Variants in APOL3 observed in about 807,000 individuals in gnomAD.
The protein encoded by APOL3 is TNF-inducible protein CG12-1.
Under a neutral mutation model 11.6 loss-of-function variants are expected in APOL3, and 14 were observed. That is an observed-to-expected ratio of 1.21 (90% CI 0.80 to 1.89). The LOEUF (loss-of-function observed/expected upper bound fraction) is 1.89, where lower values mean the gene tolerates loss of function less well. Ranked by LOEUF, APOL3 falls within the 40% of genes most tolerant of loss-of-function variation. The probability of loss-of-function intolerance (pLI) is 0.00; values close to 1 mark genes in which losing one functional copy is unlikely to be tolerated. For missense variants in APOL3, 483 were observed against 492.1 expected (o/e 0.98, Z 0.17); for synonymous variants, 192 against 190.6 (o/e 1.01, Z -0.06).
exon 2 of APOL3, chr22:36,145,565 G>A (rs2060165451): frequency 1.9e-6 from 3 of 1,613,940 alleles, no homozygotes; most frequent in Non-Finnish European, 2.5e-6. Context: ...TCTCCCGGAA[G>A]TATTTGGTGG....
intron 1 of APOL3, among the ~76,000 whole-genome samples, chr22:36,160,110 T>A (rs1452449464): frequency 6.6e-6 from 1 of 152,154 alleles, no homozygotes; most frequent in African/African-American, 2.4e-5. Context: ...CTCGAACTCC[T>A]AACCTCAAGT....
chr22:36,164,063 A>G (rs918463039), upstream of APOL3, among the ~76,000 whole-genome samples: 1 of 152,164 alleles, frequency 6.6e-6, no homozygotes, highest in Non-Finnish European at 1.5e-5. Context: ...GCAGTAACCA[A>G]TATTTTTGCT....
intron 1 of APOL3, among the ~76,000 whole-genome samples, chr22:36,151,776 C>T (rs1461313605): frequency 6.6e-6 from 1 of 152,144 alleles, no homozygotes; most frequent in Non-Finnish European, 1.5e-5. Flanking sequence ...CACATAGTGA[C>T]ACCCCATCAT....
chr22:36,165,498 G>C (rs763007421), upstream of APOL3: 4 of 152,156 alleles, frequency 2.6e-5, no homozygotes, highest in Non-Finnish European at 5.9e-5. Context: ...GGCTTTGACT[G>C]GTGGAAATTT....
At chr22:36,143,607 G>A (rs1357553661) in intron 2 of APOL3, among the ~76,000 whole-genome samples, 1 of 152,154 alleles carries the variant, frequency 6.6e-6, no homozygotes, top group Non-Finnish European at 1.5e-5. Context: ...TTGATCTTCT[G>A]ACTGAAGGCC....
exon 3 of APOL3, chr22:36,141,317 A>C: frequency 6.2e-7 from 1 of 1,614,064 alleles, no homozygotes; most frequent in South Asian, 1.1e-5. Context: ...TTGCCCCCTC[A>C]TGCAAGTGCT....
rs964327364 is a variant in APOL3, at chr22:36,148,546, C to T, written c.224-2947G>A. The stretch of plus-strand genomic sequence containing the variant: ...CAGAATGGGGCTCAGTTCAGTGGGA[C>T]GCTGAGTCACTCTTTTCACAGGGCC... On this transcript the variant is annotated intron_variant, in intron 1 of 2. Transcript: ENST00000349314. Among the ~76,000 whole-genome samples the T allele has an allele frequency of 3.3e-5, 5 of 152,232 alleles. No individual in the cohort carries two copies. The East Asian group carries it at 7.7e-4, about 23-fold the overall frequency.
intron 1 of APOL3, chr22:36,154,614 G>A: frequency 2.1e-6 from 1 of 471,020 alleles, no homozygotes; most frequent in Non-Finnish European, 4.4e-6. Flanking sequence ...CTCCCAGAAG[G>A]GCTGTGTTAT....
chr22:36,152,955 G>GA lies in APOL3; in HGVS notation c.224-7357dup, dbSNP rs776758194. 4.7e-4 allele frequency among the ~76,000 whole-genome samples: 71 copies of GA among 152,116 alleles called. No homozygotes were observed. The Middle Eastern group carries it at 0.014, about 29-fold the overall frequency. The stretch of plus-strand genomic sequence containing the variant: ...GCAACTCTGTCTCTACTAAAAAAAT[G>GA]AAAAAATTAGCCGGGCATGGTGGTG... On this transcript the variant is annotated intron_variant, in intron 1 of 2. Transcript: ENST00000349314.
At chr22:36,150,308 C>T (rs980584203) in intron 1 of APOL3, among the ~76,000 whole-genome samples, 1 of 152,182 alleles carries the variant, frequency 6.6e-6, no homozygotes, top group Non-Finnish European at 1.5e-5. Context: ...GGTATAATAA[C>T]AGTCAATGAG....
At chr22:36,156,028 G>T in intron 1 of APOL3, 1 of 269,652 alleles carries the variant, frequency 3.7e-6, no homozygotes, top group South Asian at 6.3e-5. Flanking sequence ...AGTGGCTGTG[G>T]GGCCTCCTCC....
intron 1 of APOL3, among the ~76,000 whole-genome samples, chr22:36,151,161 C>T (rs1457758299): frequency 6.6e-6 from 1 of 152,198 alleles, no homozygotes; most frequent in African/African-American, 2.4e-5. Context: ...TTCATAACTG[C>T]ATCTAAAGGC....
upstream of APOL3, chr22:36,164,523 C>A (rs1279292493): frequency 1.3e-5 from 2 of 152,194 alleles, no homozygotes; most frequent in Non-Finnish European, 2.9e-5. Context: ...CTTGCAATCA[C>A]ACTTGTACCC....
At chr22:36,147,459 C>T (rs1221938401) in intron 1 of APOL3, among the ~76,000 whole-genome samples, 2 of 152,186 alleles carry the variant, frequency 1.3e-5, no homozygotes, top group Non-Finnish European at 2.9e-5. Flanking sequence ...CTTCCTTGAG[C>T]CTCCCAGCCA....
chr22:36,165,664 G>T (rs1162647180), upstream of APOL3: 5 of 151,960 alleles, frequency 3.3e-5, 1 homozygote, highest in Admixed American at 2.0e-4. Context: ...TCTACACAAG[G>T]TTACCGCGAG....
At chr22:36,157,266 A>G (rs1208603425) in intron 1 of APOL3, among the ~76,000 whole-genome samples, 1 of 152,170 alleles carries the variant, frequency 6.6e-6, no homozygotes, top group Non-Finnish European at 1.5e-5. Context: ...CGGGTCCATG[A>G]CACTCTTATG....
intron 1 of APOL3, 23 bp from the exon 2 acceptor site, chr22:36,149,165 G>A: frequency 7.4e-7 from 1 of 1,355,922 alleles, no homozygotes; most frequent in South Asian, 1.2e-5. Flanking sequence ...AAAGCAAATT[G>A]TGGGACTGAA....
At chr22:36,154,162 A>G (rs2012319883) in intron 1 of APOL3, among the ~76,000 whole-genome samples, 2 of 152,232 alleles carry the variant, frequency 1.3e-5, no homozygotes, top group African/African-American at 2.4e-5. Flanking sequence ...ATAATGAAGC[A>G]TGTCTGACCC....
intron 1 of APOL3, chr22:36,149,475 CTGACAA>C: frequency 1.9e-6 from 2 of 1,074,660 alleles, no homozygotes; most frequent in Non-Finnish European, 1.3e-6. Context: ...AAGGAACGTT[CTGACAA>C]TGACCTGGGC....
Sources: gnomAD v4.1 joint callset for allele counts (sites outside exome capture counted in the v4.1 genomes callset) on GRCh38, gnomAD v4.1.1 for gene constraint, MANE v1.5 for transcripts, NCBI Gene and HGNC (gene_info 2026-07-23, HGNC 2026-07-21) for gene names.